The following PRCD variants were observed in gnomAD, a reference collection of about 807,000 sequenced individuals.
The protein encoded by PRCD is photoreceptor disc component.
A neutral mutation model predicts 10.1 loss-of-function variants in PRCD; 12 were observed. The ratio of observed to expected loss-of-function variants is 1.18; its 90% CI spans 0.76 to 1.92. PRCD has a LOEUF of 1.92. Ranked by LOEUF, PRCD falls within the 40% of genes most tolerant of loss-of-function variation. The pLI is 0.00. For missense variants in PRCD, 61 were observed against 72.2 expected (o/e 0.84, Z 0.56); for synonymous variants, 31 against 26.2 (o/e 1.18, Z -0.56).
chr17:76,529,340 C>T lies in PRCD; in HGVS notation n.45+1507C>T, dbSNP rs1023315352. 24 of 985,436 alleles carry T rather than the reference C, an allele frequency of 2.4e-5. No homozygotes were observed. In the African/African-American group the frequency reaches 2.8e-4, roughly 11 times the overall value. The allele number at this position is 985,436 out of a possible 1,614,324, so 61.0% of individuals were successfully genotyped here. On this transcript the variant is annotated intron_variant and non_coding_transcript_variant, in intron 1 of 4. Transcript: ENST00000397633. Reference sequence around the variant, plus strand: ...AACCCCCATGGGGTGCCAGTTTCCACGGTAGCCCATCTCCATTCAGTCCAC... The same window carrying T: ...AACCCCCATGGGGTGCCAGTTTCCATGGTAGCCCATCTCCATTCAGTCCAC...
At chr17:76,546,569 G>A (rs2075056091), downstream of PRCD, 1 of 152,146 alleles carries the variant, frequency 6.6e-6, no homozygotes, top group South Asian at 2.1e-4. The surrounding 1 kb of genome is among the most constrained non-coding windows in gnomAD (Gnocchi z 4.5). Context: ...AATGGCGAGA[G>A]AGCAAACCCT....
upstream of PRCD, among the ~76,000 whole-genome samples, chr17:76,539,822 G>C (rs1353475090): frequency 1.3e-5 from 2 of 152,146 alleles, no homozygotes; most frequent in Non-Finnish European, 2.9e-5. Flanking sequence ...CATTGTACTT[G>C]ACAGCACATT....
rs566395398 is a variant in PRCD, at chr17:76,543,971, C to T, written c.*321C>T. On this transcript the variant is annotated 3_prime_UTR_variant, in exon 5 of 5. Coordinates refer to ENST00000592014, the MANE Select transcript of PRCD (RefSeq NM_001077620.3). ...CGCGTGTGTTCCAAACGGGCAGTAG[C>T]GTGTGGGAAGGAAAAAGCCTGACAC... The T allele has an allele frequency of 7.3e-5, 34 of 464,914 alleles. No individual in the cohort carries two copies. The East Asian group carries it at 1.5e-3, about 21-fold the overall frequency. 28.8% of individuals were successfully genotyped at this position (464,914 alleles called of 1,614,324 possible).
Position 76,528,722 on chromosome 17 carries a change from C to A in PRCD, n.45+889C>A. 9.0e-7 allele frequency: 1 copy of A among 1,109,332 alleles called. No individual in the cohort carries two copies. The allele number at this position is 1,109,332 out of a possible 1,614,324, so 68.7% of individuals were successfully genotyped here. A position where few individuals can be genotyped will look rare whatever the true frequency, so the allele number is the denominator to read the frequency against. ...CGAGGCTCACTTCCTGCCAAGAGAT[C>A]CGGCACAGTGCAGTTGAAAGCAACC... is the stretch of plus-strand genomic sequence containing the variant. On this transcript the variant is annotated intron_variant and non_coding_transcript_variant, in intron 1 of 4. Transcript: ENST00000397633. This position sits in a 1 kb window ranked among gnomAD's most constrained non-coding sequence, Gnocchi z 5.8.
chr17:76,532,563 A>C (rs1158060425), intron 1 of PRCD, among the ~76,000 whole-genome samples: 3 of 130,992 alleles, frequency 2.3e-5, no homozygotes, highest in Admixed American at 8.8e-5. Context: ...ATGGAGTCTC[A>C]CTCTGTCATC....
upstream of PRCD, among the ~76,000 whole-genome samples, chr17:76,536,681 A>C (rs1382250555): frequency 6.6e-6 from 1 of 152,170 alleles, no homozygotes; most frequent in Non-Finnish European, 1.5e-5. Flanking sequence ...CCCTAAGCCC[A>C]AGCCACTGCA....
At chr17:76,551,563 C>G (rs1407080717) in intron 1 of PRCD, 2 of 152,112 alleles carry the variant, frequency 1.3e-5, no homozygotes, top group Non-Finnish European at 2.9e-5. Flanking sequence ...AAGCAGTGAT[C>G]CCAGGTTTTT....
intron 1 of PRCD, among the ~76,000 whole-genome samples, chr17:76,532,780 G>A (rs531036520): frequency 1.1e-4 from 16 of 151,842 alleles, no homozygotes; most frequent in African/African-American, 3.1e-4. Flanking sequence ...CAGGCGATCC[G>A]CCTGCCTCAG....
At chr17:76,538,254 GCGCCCCCGAGCCAGCC>G (rs2074946054), upstream of PRCD, 1 of 187,780 alleles carries the variant, frequency 5.3e-6, no homozygotes, top group Non-Finnish European at 1.1e-5. Flanking sequence ...GCCTCTCCCC[GCGCCCCCGAGCCAGCC>G]GCTGGGGGCC....
Position 76,531,208 on chromosome 17 carries a change from C to A in PRCD, n.45+3375C>A. On this transcript the variant is annotated intron_variant and non_coding_transcript_variant, in intron 1 of 4. Coordinates refer to the PRCD transcript ENST00000397633. This position sits in a 1 kb window ranked among gnomAD's most constrained non-coding sequence, Gnocchi z 7.4. ...CCCTGCGTCCTGCAACCCCCAGGCCCCTCCGCCCCACGTGTGGCCGAGAGG... is the reference window on the plus strand; with the variant it reads ...CCCTGCGTCCTGCAACCCCCAGGCCACTCCGCCCCACGTGTGGCCGAGAGG... The A allele has an allele frequency of 6.6e-7, 1 of 1,516,064 alleles. No individual in the cohort carries two copies. The highest frequency in any genetic ancestry group is 9.0e-7 in the Non-Finnish European group (1 of 1,109,352). The allele number at this position is 1,516,064 out of a possible 1,614,324, so 93.9% of individuals were successfully genotyped here.
At chr17:76,538,498 A>C (rs2074949709), upstream of PRCD, 1 of 466,866 alleles carries the variant, frequency 2.1e-6, no homozygotes, top group South Asian at 1.6e-5. Context: ...CTTATGAATG[A>C]CACGGACAGG....
chr17:76,544,861 G>T lies in PRCD; in HGVS notation c.*1211G>T. The stretch of plus-strand genomic sequence containing the variant: ...GGCCAAGGTCATGGAGCTGGCTCAC[G>T]GCCCAGACGCACTTCCCCAGGGCAG... On this transcript the variant is annotated 3_prime_UTR_variant, in exon 5 of 5. Coordinates refer to ENST00000592014, the MANE Select transcript of PRCD (RefSeq NM_001077620.3). 2.2e-6 allele frequency: 1 copy of T among 456,812 alleles called. No homozygotes were observed. The allele number at this position is 456,812 out of a possible 1,614,324, so 28.3% of individuals were successfully genotyped here.
At chr17:76,538,812 A>T (rs1041621431), upstream of PRCD, among the ~76,000 whole-genome samples, 1 of 152,252 alleles carries the variant, frequency 6.6e-6, no homozygotes, top group African/African-American at 2.4e-5. Flanking sequence ...AGGGCCTGGC[A>T]GTGTTGGGAA....
At chr17:76,542,775 G>A (rs888124057) in intron 3 of PRCD, 142 bp downstream of exon 3, 1 of 674,928 alleles carries the variant, frequency 1.5e-6, no homozygotes, top group Admixed American at 2.1e-5. Flanking sequence ...TAGGCGGATG[G>A]ACTCATGCCT....
intron 2 of PRCD, among the ~76,000 whole-genome samples, chr17:76,541,331 C>T (rs1450545017): frequency 1.3e-5 from 2 of 152,086 alleles, no homozygotes; most frequent in African/African-American, 4.8e-5. Context: ...TTTTTTGCTC[C>T]CAGTGAAACA....
At chr17:76,537,015 C>T (rs1223362358), upstream of PRCD, among the ~76,000 whole-genome samples, 2 of 152,216 alleles carry the variant, frequency 1.3e-5, no homozygotes, top group East Asian at 3.8e-4. Flanking sequence ...GGCTGAGCCT[C>T]GGTTTTCCCA....
chr17:76,543,259 C>T (rs1240361888), intron 4 of PRCD, 138 bp downstream of exon 4: 5 of 362,184 alleles, frequency 1.4e-5, no homozygotes, highest in Non-Finnish European at 2.2e-5. Context: ...GCTTCCTTCC[C>T]TCTGAGTTCC....
Position 76,531,437 on chromosome 17 carries a change from C to T in PRCD, n.45+3604C>T, listed in dbSNP as rs201699563. 44 of 1,594,618 alleles carry T rather than the reference C, an allele frequency of 2.8e-5. No homozygotes were observed. The African/African-American group carries it at 5.2e-4, about 19-fold the overall frequency. On this transcript the variant is annotated intron_variant and non_coding_transcript_variant, in intron 1 of 4. Transcript: ENST00000397633. The surrounding 1 kb of genome is among the most constrained non-coding windows in gnomAD (Gnocchi z 7.4). ...CCATGACGCGTGGGCGGTGGGGGCT[C>T]TGCAGCAGATGGGGGCGCATACCTT...
At chr17:76,551,624 C>G (rs561122456) in intron 1 of PRCD, 1 of 152,268 alleles carries the variant, frequency 6.6e-6, no homozygotes, top group African/African-American at 2.4e-5. Context: ...TCTGCATGAT[C>G]CCAGCTTTCT....
Sources: gnomAD v4.1 joint callset for allele counts (sites outside exome capture counted in the v4.1 genomes callset) on GRCh38, gnomAD v4.1.1 for gene constraint, Gnocchi (gnomAD v3.1) non-coding constraint, MANE v1.5 for transcripts, NCBI Gene and HGNC (gene_info 2026-07-23, HGNC 2026-07-21) for gene names.